KCNH8: variants seen among roughly 807,000 people sequenced by gnomAD.
KCNH8 encodes voltage-gated delayed rectifier potassium channel KCNH8.
A neutral mutation model predicts 103.6 loss-of-function variants in KCNH8; 70 were observed. The observed-to-expected ratio is 0.68, with a 90% CI of 0.56 to 0.82. The LOEUF (loss-of-function observed/expected upper bound fraction) is 0.82, where lower values mean the gene tolerates loss of function less well. Ranked by LOEUF, KCNH8 falls within the 40% of genes least tolerant of loss-of-function variation. The probability of loss-of-function intolerance (pLI) is 0.00; values close to 1 mark genes in which losing one functional copy is unlikely to be tolerated. For missense variants in KCNH8, 1,217 were observed against 1,329.9 expected (o/e 0.92, Z 1.32); for synonymous variants, 498 against 489.4 (o/e 1.02, Z -0.23).
chr3:19,339,914 C>A (rs1465045355), intron 3 of KCNH8, among the ~76,000 whole-genome samples: 1 of 151,902 alleles, frequency 6.6e-6, no homozygotes, highest in African/African-American at 2.4e-5. Flanking sequence ...AAGCAGCAGT[C>A]CCGAACACTG....
chr3:19,326,570 A>C lies in KCNH8; in HGVS notation c.443-16017A>C, dbSNP rs193070075. On this transcript the variant is annotated intron_variant, in intron 3 of 15. Coordinates refer to ENST00000328405, the MANE Select transcript of KCNH8 (RefSeq NM_144633.3). ...TTGGTATTCTATTGATTGTCAACTA[A>C]TTCCTGCTAAGCAGCTATTTCTTCC... 5.3e-5 allele frequency among the ~76,000 whole-genome samples: 8 copies of C among 152,074 alleles called. No homozygotes were observed. The East Asian group carries it at 1.5e-3, about 29-fold the overall frequency.
At chr3:19,376,709 C>T (rs1433915311) in intron 5 of KCNH8, among the ~76,000 whole-genome samples, 1 of 152,146 alleles carries the variant, frequency 6.6e-6, no homozygotes, top group Non-Finnish European at 1.5e-5. Flanking sequence ...AATTTTGGTG[C>T]TATTTCTTTG....
At chr3:19,397,702 T>C (rs1018061791) in intron 7 of KCNH8, among the ~76,000 whole-genome samples, 2 of 151,832 alleles carry the variant, frequency 1.3e-5, no homozygotes, top group Non-Finnish European at 2.9e-5. Context: ...CGAAAATTTA[T>C]CTTTAGAGAA....
At chr3:19,290,537 G>T (rs1575499940) in intron 3 of KCNH8, among the ~76,000 whole-genome samples, 2 of 152,146 alleles carry the variant, frequency 1.3e-5, no homozygotes, top group South Asian at 2.1e-4. Flanking sequence ...CTGTTTATAT[G>T]CTGGATTACA....
At chr3:19,519,699 A>C (rs908943464) in intron 15 of KCNH8, among the ~76,000 whole-genome samples, 7 of 151,828 alleles carry the variant, frequency 4.6e-5, no homozygotes, top group Non-Finnish European at 8.8e-5. Context: ...AAACAAAACT[A>C]ATGCAACTCC....
chr3:19,273,827 T>G (rs1396399953), intron 2 of KCNH8, among the ~76,000 whole-genome samples: 2 of 152,138 alleles, frequency 1.3e-5, no homozygotes, highest in Non-Finnish European at 2.9e-5. Flanking sequence ...TCAAGCAAAT[T>G]TAAAAATTAA....
chr3:19,402,536 A>G (rs1169433981), intron 7 of KCNH8, among the ~76,000 whole-genome samples: 3 of 151,888 alleles, frequency 2.0e-5, no homozygotes, highest in Non-Finnish European at 4.4e-5. Flanking sequence ...TTTTTGGGTC[A>G]TAGTTAACAG....
intron 3 of KCNH8, among the ~76,000 whole-genome samples, chr3:19,284,714 A>T (rs758940937): frequency 5.9e-5 from 9 of 152,056 alleles, no homozygotes; most frequent in Non-Finnish European, 7.3e-5. Flanking sequence ...TTACTTATGG[A>T]GTGAATTTAA....
intron 11 of KCNH8, among the ~76,000 whole-genome samples, chr3:19,476,243 G>C (rs1453470497): frequency 6.6e-6 from 1 of 152,126 alleles, no homozygotes; most frequent in Non-Finnish European, 1.5e-5. Flanking sequence ...ATTTCAGTTT[G>C]CTGGTTCAAA....
chr3:19,470,920 G>A (rs945244206), intron 11 of KCNH8, among the ~76,000 whole-genome samples: 7 of 152,322 alleles, frequency 4.6e-5, no homozygotes, highest in African/African-American at 1.7e-4. Context: ...AGTGGCTCAT[G>A]CTTCATCTTT....
At chr3:19,344,561 C>A (rs1205331232) in intron 4 of KCNH8, among the ~76,000 whole-genome samples, 1 of 152,012 alleles carries the variant, frequency 6.6e-6, no homozygotes, top group African/African-American at 2.4e-5. Context: ...CAGGTAATAT[C>A]TTATTCCTGA....
At chr3:19,185,840 C>A (rs1052454826) in intron 1 of KCNH8, among the ~76,000 whole-genome samples, 44 of 151,842 alleles carry the variant, frequency 2.9e-4, no homozygotes, top group Admixed American at 2.1e-3. Context: ...CATTTATTCC[C>A]CCAATGTAAA....
rs982477025 is a variant in KCNH8, at chr3:19,473,380, T to C, written c.2040+16398T>C. ...GACAAGTAAGGTGACAAAATATCCA[T>C]ACCTTGGCCATTTGACTTGCCTGCT... On this transcript the variant is annotated intron_variant, in intron 11 of 15. Coordinates refer to ENST00000328405, the MANE Select transcript of KCNH8 (RefSeq NM_144633.3). Among the ~76,000 whole-genome samples the C allele has an allele frequency of 6.6e-5, 10 of 152,304 alleles. 1 individual carries two copies. Among genetic ancestry groups the C allele is most frequent in the Admixed American group, 5.9e-4 (9 of 15,292 alleles).
At chr3:19,179,983 C>G (rs2063435377) in intron 1 of KCNH8, among the ~76,000 whole-genome samples, 1 of 151,932 alleles carries the variant, frequency 6.6e-6, no homozygotes, top group Admixed American at 6.6e-5. Context: ...TTATACATGG[C>G]CAGAATCAGA....
intron 1 of KCNH8, among the ~76,000 whole-genome samples, chr3:19,241,497 A>T (rs895499432): frequency 2.6e-5 from 4 of 152,186 alleles, no homozygotes; most frequent in African/African-American, 9.7e-5. Flanking sequence ...AGTATATCTA[A>T]CATGTAAACC....
intron 14 of KCNH8, among the ~76,000 whole-genome samples, chr3:19,516,945 T>G (rs761652206): frequency 9.9e-5 from 15 of 151,986 alleles, no homozygotes; most frequent in Non-Finnish European, 1.8e-4. Flanking sequence ...TAGTGTGAAA[T>G]TCAAACCTAT....
At chr3:19,269,713 GCTC>G (rs970019679) in intron 2 of KCNH8, among the ~76,000 whole-genome samples, 13 of 152,202 alleles carry the variant, frequency 8.5e-5, no homozygotes, top group African/African-American at 2.9e-4. Context: ...AGCTGAGAAA[GCTC>G]CTACTCAGTG....
chr3:19,189,669 A>G (rs1220063946), intron 1 of KCNH8, among the ~76,000 whole-genome samples: 4 of 151,994 alleles, frequency 2.6e-5, no homozygotes, highest in African/African-American at 9.7e-5. Flanking sequence ...CACCTTCAGA[A>G]ACATAGCTTT....
chr3:19,199,247 G>T (rs891277451), intron 1 of KCNH8, among the ~76,000 whole-genome samples: 6 of 152,060 alleles, frequency 3.9e-5, no homozygotes, highest in African/African-American at 1.4e-4. Context: ...TCTACCCTTT[G>T]TTTTTCATCT....
Sources: gnomAD v4.1 joint callset for allele counts (sites outside exome capture counted in the v4.1 genomes callset) on GRCh38, gnomAD v4.1.1 for gene constraint, MANE v1.5 for transcripts, NCBI Gene and HGNC (gene_info 2026-07-23, HGNC 2026-07-21) for gene names.